Variants in DOK5 observed in about 807,000 individuals in gnomAD.
DOK5 encodes the protein docking protein 5, also known as downstream of tyrosine kinase 5.
DOK5 carries 27 observed loss-of-function variants against 43.3 expected under a neutral mutation model. The observed-to-expected ratio is 0.62, with a 90% CI of 0.46 to 0.86. DOK5 has a LOEUF of 0.86. Among genes scored for constraint, DOK5 ranks in the 40% least tolerant of loss-of-function variants. The pLI is 0.00. For synonymous variants in DOK5, 146 were observed against 140.1 expected, an observed-to-expected ratio of 1.04 and a Z score of -0.30; for missense variants, 373 against 392.9, an observed-to-expected ratio of 0.95 and a Z score of 0.43.
intron 6 of DOK5, among the ~76,000 whole-genome samples, chr20:54,611,171 G>A (rs1012444056): frequency 3.3e-5 from 5 of 152,190 alleles, no homozygotes; most frequent in Non-Finnish European, 7.3e-5. Context: ...GGTATATAAA[G>A]ATGCCCAAAC....
In DOK5 at chr20:54,591,762, C is replaced by T. The variant is rs147632330; in HGVS notation, c.556C>T (p.Arg186Trp). The T allele has an allele frequency of 1.5e-5, 24 of 1,613,942 alleles. No individual in the cohort carries two copies. The highest frequency in any genetic ancestry group is 3.3e-5 in the Admixed American group (2 of 59,996). ...LISWPLSALR[R>W]YGRDTTWFTF... ...CTCTTGGCCGCTAAGCGCCCTGCGG[C>T]GGTATGGACGTGATACTACGTGGTT... The change falls in exon 5 of 8, where the codon CGG (arginine) becomes TGG (tryptophan). Residue 186 changes from arginine (R) to tryptophan (W), a missense_variant. Transcript: ENST00000262593.
chr20:54,634,437 CTT>C (rs11470013), intron 6 of DOK5, among the ~76,000 whole-genome samples: 6,725 of 89,272 alleles, frequency 0.075, 107 homozygotes, highest in African/African-American at 0.19. Context: ...TCATATCATG[CTT>C]TTTTTTTTTT....
At chr20:54,566,381 A>G (rs1199175066) in intron 2 of DOK5, among the ~76,000 whole-genome samples, 4 of 152,184 alleles carry the variant, frequency 2.6e-5, no homozygotes, top group Non-Finnish European at 5.9e-5. Flanking sequence ...TGAATATTCA[A>G]GTTCATGTTG....
intron 5 of DOK5, among the ~76,000 whole-genome samples, chr20:54,605,575 T>C (rs1322130173): frequency 1.3e-5 from 2 of 152,246 alleles, no homozygotes; most frequent in African/African-American, 4.8e-5. Flanking sequence ...GTCAAGGCTG[T>C]TTTTCCTGCC....
chr20:54,528,066 G>T (rs866524703), intron 1 of DOK5, among the ~76,000 whole-genome samples: 2 of 152,022 alleles, frequency 1.3e-5, no homozygotes. Flanking sequence ...AAGTTAGTTG[G>T]GCGTGATGGT....
At chr20:54,488,153 G>A (rs888338776) in intron 1 of DOK5, among the ~76,000 whole-genome samples, 1 of 152,170 alleles carries the variant, frequency 6.6e-6, no homozygotes, top group Admixed American at 6.5e-5. Context: ...TTGAGTCTGG[G>A]TTCCATTCCA....
chr20:54,528,520 A>G (rs745631430), intron 1 of DOK5, among the ~76,000 whole-genome samples: 12 of 151,996 alleles, frequency 7.9e-5, no homozygotes, highest in Non-Finnish European at 1.6e-4. Context: ...TGACCAGAAA[A>G]AGGAGGGATG....
chr20:54,512,043 G>C (rs1213891099), intron 1 of DOK5, among the ~76,000 whole-genome samples: 1 of 152,154 alleles, frequency 6.6e-6, no homozygotes, highest in Admixed American at 6.5e-5. Flanking sequence ...CACACCAACA[G>C]AGCAGAGGTG....
At chr20:54,579,738 T>C (rs970644495) in intron 2 of DOK5, among the ~76,000 whole-genome samples, 14 of 152,154 alleles carry the variant, frequency 9.2e-5, no homozygotes, top group African/African-American at 3.4e-4. Flanking sequence ...AATTTCCTTC[T>C]TTTTTAGGGT....
intron 2 of DOK5, among the ~76,000 whole-genome samples, chr20:54,573,745 A>G (rs573029536): frequency 6.6e-6 from 1 of 151,732 alleles, no homozygotes; most frequent in Admixed American, 6.6e-5. Flanking sequence ...ACTTCATTTC[A>G]GTAGAGTGTC....
chr20:54,483,454 A>G (rs997675625), intron 1 of DOK5, among the ~76,000 whole-genome samples: 4 of 152,242 alleles, frequency 2.6e-5, no homozygotes, highest in Non-Finnish European at 4.4e-5. Flanking sequence ...AGGAGTTGAC[A>G]ATTTAATTTT....
At chr20:54,564,255 C>G (rs1220979354) in intron 2 of DOK5, among the ~76,000 whole-genome samples, 1 of 151,956 alleles carries the variant, frequency 6.6e-6, no homozygotes, top group Non-Finnish European at 1.5e-5. Context: ...AACCCCGTCT[C>G]TACTAAAAAA....
intron 6 of DOK5, among the ~76,000 whole-genome samples, chr20:54,636,122 A>T (rs1034330204): frequency 5.3e-5 from 8 of 152,202 alleles, no homozygotes; most frequent in African/African-American, 1.9e-4. Flanking sequence ...GCCTTTGAAA[A>T]ATTATGACAG....
At chr20:54,566,116 A>T (rs1191092311) in intron 2 of DOK5, among the ~76,000 whole-genome samples, 1 of 108,798 alleles carries the variant, frequency 9.2e-6, no homozygotes, top group African/African-American at 3.7e-5. Flanking sequence ...CCACCACCCC[A>T]GCAGGCACTA....
At chr20:54,534,099 G>C (rs1349027051) in intron 1 of DOK5, among the ~76,000 whole-genome samples, 1 of 152,220 alleles carries the variant, frequency 6.6e-6, no homozygotes, top group Non-Finnish European at 1.5e-5. Context: ...ATGGATGGTG[G>C]TAAAGATTCG....
At chr20:54,476,323 G>A in intron 1 of DOK5, 3 of 721,304 alleles carry the variant, frequency 4.2e-6, no homozygotes, top group Non-Finnish European at 5.1e-6. Flanking sequence ...GAGCTGAGAA[G>A]CCCGGGCGGG....
At chr20:54,504,620 A>G (rs1382596036) in intron 1 of DOK5, among the ~76,000 whole-genome samples, 1 of 152,182 alleles carries the variant, frequency 6.6e-6, no homozygotes, top group Non-Finnish European at 1.5e-5. Context: ...TACAGGGGTG[A>G]TTGGAGATGG....
At chr20:54,567,429 GA>G (rs1047358926) in intron 2 of DOK5, among the ~76,000 whole-genome samples, 1 of 151,684 alleles carries the variant, frequency 6.6e-6, no homozygotes. Context: ...ATCATTTGTT[GA>G]AAAAAATTAT....
intron 2 of DOK5, among the ~76,000 whole-genome samples, chr20:54,560,471 A>G (rs1984861968): frequency 6.6e-6 from 1 of 152,248 alleles, no homozygotes; most frequent in African/African-American, 2.4e-5. Context: ...GGTAAATTAG[A>G]TAAAAGAGGT....
Sources: allele counts gnomAD v4.1 joint callset (sites outside exome capture counted in the v4.1 genomes callset), GRCh38; gene constraint gnomAD v4.1.1; transcripts MANE v1.5; gene names NCBI Gene and HGNC (gene_info 2026-07-23, HGNC 2026-07-21).